OR52I2: variants seen among roughly 807,000 people sequenced by gnomAD.
OR52I2 encodes olfactory receptor family 52 subfamily I member 2, also known as olfactory receptor 52I2.
For synonymous variants in OR52I2, 147 were observed against 151.9 expected (o/e 0.97, Z 0.24); for missense variants, 350 against 402.4 (o/e 0.87, Z 1.11).
exon 2 of OR52I2, chr11:4,587,855 T>G (rs199847825): frequency 5.6e-6 from 9 of 1,613,296 alleles, no homozygotes; most frequent in Admixed American, 5.0e-5. Flanking sequence ...CATTCCAACC[T>G]GGGTTCATGA....
chr11:4,587,437 T>C (rs1391954181), exon 2 of OR52I2: 2 of 1,614,206 alleles, frequency 1.2e-6, no homozygotes, highest in Non-Finnish European at 1.7e-6. Context: ...CCACTCCTAC[T>C]GTGAGCACAT....
exon 2 of OR52I2, chr11:4,588,917 T>C (rs1846330318): frequency 6.6e-6 from 1 of 152,238 alleles, no homozygotes; most frequent in Non-Finnish European, 1.5e-5. Flanking sequence ...CTGACTGAGA[T>C]AATCTTTGAA....
chr11:4,582,380 A>C (rs1402633023), intron 1 of OR52I2, among the ~76,000 whole-genome samples: 1 of 151,422 alleles, frequency 6.6e-6, no homozygotes, highest in African/African-American at 2.4e-5. Flanking sequence ...TGCTTTGTGA[A>C]TCATGAGTTA....
exon 2 of OR52I2, chr11:4,590,393 A>G (rs559681382): frequency 7.9e-5 from 12 of 152,358 alleles, no homozygotes; most frequent in Admixed American, 6.5e-4. Flanking sequence ...ATTGAAATAA[A>G]TATTTGTAGA....
chr11:4,582,433 C>CCTTT (rs1564859030), intron 1 of OR52I2, among the ~76,000 whole-genome samples: 143 of 74,610 alleles, frequency 1.9e-3, no homozygotes, highest in South Asian at 2.8e-3. Context: ...ATTTATTTTT[C>CCTTT]ATTTTTTTTT....
chr11:4,590,338 A>T (rs1846341608), exon 2 of OR52I2: 1 of 152,194 alleles, frequency 6.6e-6, no homozygotes, highest in Non-Finnish European at 1.5e-5. Context: ...CTTGATGGAG[A>T]TCAACGTTAA....
chr11:4,588,843 G>T (rs535844576), exon 2 of OR52I2: 27 of 152,306 alleles, frequency 1.8e-4, no homozygotes, highest in African/African-American at 6.5e-4. Flanking sequence ...ACTTTTATGA[G>T]CCTCAGCTTT....
At position 4,584,341 on chromosome 11, in the gene OR52I2, A is replaced by G. The variant is rs79639430; in HGVS notation, c.-20+2477A>G. Among the ~76,000 whole-genome samples the G allele has an allele frequency of 2.3e-3, 355 of 152,336 alleles. 2 individuals are homozygous for G. The highest frequency in any genetic ancestry group is 8.4e-3 in the African/African-American group (348 of 41,580). On this transcript the variant is annotated intron_variant, in intron 1 of 1. Coordinates refer to ENST00000641896, the Ensembl canonical transcript of OR52I2. ...TACAAATTAGAACCATGAGGGTTTG[A>G]GAAAAGAGATCACGTGTCCTTAACA... is the stretch of plus-strand genomic sequence containing the variant.
chr11:4,583,292 C>T (rs961955432), intron 1 of OR52I2, among the ~76,000 whole-genome samples: 3 of 151,868 alleles, frequency 2.0e-5, no homozygotes, highest in Non-Finnish European at 4.4e-5. Context: ...CCACCACTCT[C>T]GAAGGCATGA....
intron 1 of OR52I2, among the ~76,000 whole-genome samples, chr11:4,585,658 C>T (rs973994273): frequency 6.6e-6 from 1 of 152,188 alleles, no homozygotes; most frequent in African/African-American, 2.4e-5. Context: ...TTTGTCTCAT[C>T]AAACCTGGCC....
At chr11:4,585,828 T>C (rs747899893) in intron 1 of OR52I2, among the ~76,000 whole-genome samples, 1 of 152,202 alleles carries the variant, frequency 6.6e-6, no homozygotes, top group African/African-American at 2.4e-5. Flanking sequence ...TTATACAAAC[T>C]GTGTTGTATG....
chr11:4,589,097 T>A (rs1410610385), exon 2 of OR52I2: 1 of 152,238 alleles, frequency 6.6e-6, no homozygotes, highest in Non-Finnish European at 1.5e-5. Flanking sequence ...CCAGTAAGCA[T>A]CTGCCTCCTC....
At chr11:4,586,617 T>A (rs1177682012) in intron 1 of OR52I2, among the ~76,000 whole-genome samples, 1 of 151,990 alleles carries the variant, frequency 6.6e-6, no homozygotes. Flanking sequence ...GGGTATGGAA[T>A]GGGGAAGGAA....
At chr11:4,585,141 G>C (rs985434795) in intron 1 of OR52I2, among the ~76,000 whole-genome samples, 1 of 152,102 alleles carries the variant, frequency 6.6e-6, no homozygotes, top group African/African-American at 2.4e-5. Flanking sequence ...GTGATAGAGT[G>C]GATTTTTAAG....
exon 2 of OR52I2, chr11:4,587,411 G>A (rs1846313976): frequency 1.2e-6 from 2 of 1,613,846 alleles, no homozygotes; most frequent in South Asian, 2.2e-5. Context: ...CCTTTCTGTG[G>A]CTCCAATGTG....
chr11:4,584,748 G>C (rs1431855095), intron 1 of OR52I2, among the ~76,000 whole-genome samples: 1 of 152,148 alleles, frequency 6.6e-6, no homozygotes, highest in Non-Finnish European at 1.5e-5. Context: ...AGTCCAATTA[G>C]AAGAATCTTG....
chr11:4,587,501 T>G (rs1165205206), exon 2 of OR52I2: 2 of 1,614,220 alleles, frequency 1.2e-6, no homozygotes, highest in Non-Finnish European at 1.7e-6. Flanking sequence ...CTCTACAGTC[T>G]GATTGGTTCC....
exon 2 of OR52I2, chr11:4,587,958 A>G (rs1846321568): frequency 9.9e-7 from 1 of 1,006,208 alleles, no homozygotes. Flanking sequence ...TCTAAGATGA[A>G]GGTGTAAAGG....
At chr11:4,592,327 C>CGGT (rs1454963445) in exon 2 of OR52I2, 1 of 152,020 alleles carries the variant, frequency 6.6e-6, no homozygotes, top group Non-Finnish European at 1.5e-5. Flanking sequence ...GGCTAGCAAG[C>CGGT]GATAGAGTAG....
Sources: allele counts gnomAD v4.1 joint callset (sites outside exome capture counted in the v4.1 genomes callset), GRCh38; gene constraint gnomAD v4.1.1; transcripts MANE v1.5; gene names NCBI Gene and HGNC (gene_info 2026-07-23, HGNC 2026-07-21).